The following ANKRD62 variants were observed in gnomAD, a reference collection of about 807,000 sequenced individuals.
ANKRD62 encodes the protein ankyrin repeat domain 62.
ANKRD62 carries 61 observed loss-of-function variants against 98.8 expected under a neutral mutation model. That is an observed-to-expected ratio of 0.62 (90% confidence interval 0.50 to 0.76). The LOEUF is 0.76. Ranked by LOEUF, ANKRD62 falls within the 30% of genes least tolerant of loss-of-function variation. The probability of loss-of-function intolerance (pLI) is 0.00; values close to 1 mark genes in which losing one functional copy is unlikely to be tolerated. For synonymous variants in ANKRD62, 341 were observed against 367.9 expected, an observed-to-expected ratio of 0.93 and a Z score of 0.84; for missense variants, 933 against 1,082.9, an observed-to-expected ratio of 0.86 and a Z score of 1.94.
At chr18:12,138,009 T>C in the ANKRD62 span, among the ~76,000 whole-genome samples, 1 of 152,176 alleles carries the variant, frequency 6.6e-6, no homozygotes, top group Non-Finnish European at 1.5e-5. Flanking sequence ...CCTGGATTCA[T>C]TGATTTTTTG....
the ANKRD62 span, among the ~76,000 whole-genome samples, chr18:12,154,316 C>G: frequency 1.3e-5 from 2 of 152,084 alleles, no homozygotes; most frequent in African/African-American, 4.8e-5. Flanking sequence ...AAAAGAAGAC[C>G]TACATGCAGC....
intron 7 of ANKRD62, 100 bp from the exon 8 acceptor site, chr18:12,107,195 T>C: frequency 1.7e-6 from 1 of 594,080 alleles, no homozygotes; most frequent in Non-Finnish European, 2.5e-6. Flanking sequence ...ATGACTAATA[T>C]GACAGACTGA....
At chr18:12,150,299 G>A in the ANKRD62 span, among the ~76,000 whole-genome samples, 2 of 152,152 alleles carry the variant, frequency 1.3e-5, no homozygotes, top group African/African-American at 4.8e-5. Context: ...AAAAGTATGG[G>A]ACTATATAAA....
the ANKRD62 span, among the ~76,000 whole-genome samples, chr18:12,154,847 C>T: frequency 1.3e-5 from 2 of 152,158 alleles, no homozygotes; most frequent in African/African-American, 2.4e-5. Flanking sequence ...AGGCCATTAT[C>T]CTTAACAAAC....
the ANKRD62 span, among the ~76,000 whole-genome samples, chr18:12,174,525 G>A: frequency 2.6e-5 from 4 of 152,306 alleles, no homozygotes; most frequent in South Asian, 8.3e-4. Context: ...GCCTAGTTCA[G>A]AACCCTTGTT....
chr18:12,173,435 C>CT, the ANKRD62 span, among the ~76,000 whole-genome samples: 1 of 152,188 alleles, frequency 6.6e-6, no homozygotes, highest in Non-Finnish European at 1.5e-5. Flanking sequence ...ATGGGTCTTG[C>CT]TTTTTTATCC....
At chr18:12,165,099 G>A in the ANKRD62 span, among the ~76,000 whole-genome samples, 21 of 151,478 alleles carry the variant, frequency 1.4e-4, no homozygotes, top group Admixed American at 2.6e-4. Context: ...CTATTCCTGC[G>A]CTTTTTTGGT....
intron 11 of ANKRD62, among the ~76,000 whole-genome samples, 175 bp downstream of exon 11, chr18:12,122,691 T>C (rs999124767): frequency 6.6e-6 from 1 of 152,218 alleles, no homozygotes; most frequent in African/African-American, 2.4e-5. Context: ...AATACTTCTC[T>C]AATAATTAAT....
Position 12,094,071 on chromosome 18 carries a change from G to A in ANKRD62, c.54G>A (p.Trp18Ter). Residue 18 changes from tryptophan (W) to a stop codon, truncating the protein, a stop_gained, in exon 1 of 14, where the codon TGG becomes TGA. Coordinates refer to ENST00000587848, the MANE Select transcript of ANKRD62 (RefSeq NM_001277333.2). LOFTEE classifies it high-confidence loss of function. ...LAACRRRMATWRKNRDKDGFS... is the reference protein window; with the variant it reads ...LAACRRRMAT ...CCTGCAGGAGACGCATGGCTACCTG[G>A]AGGAAGAATCGTGACAAGGATGGCT... 6.5e-7 allele frequency: 1 copy of A among 1,535,172 alleles called. No individual in the cohort carries two copies. Among genetic ancestry groups the A allele is most frequent in the South Asian group, 1.2e-5 (1 of 84,012 alleles).
chr18:12,132,405 T>G (rs569756538), downstream of ANKRD62, among the ~76,000 whole-genome samples: 11 of 152,240 alleles, frequency 7.2e-5, no homozygotes, highest in East Asian at 2.1e-3. Context: ...ATGCCTTTTG[T>G]TTTCCTCCAT....
In ANKRD62 at chr18:12,093,983, G is replaced by A. The variant is rs187628951; in HGVS notation, c.-35G>A. 1.2e-5 allele frequency: 19 copies of A among 1,530,344 alleles called. No individual in the cohort carries two copies. In the East Asian group the frequency reaches 2.2e-4, roughly 18 times the overall value. 94.8% of individuals were successfully genotyped at this position (1,530,344 alleles called of 1,614,324 possible). On this transcript the variant is annotated 5_prime_UTR_variant, in exon 1 of 14. Transcript: ENST00000587848. ...GTGGGAGCTGAGGTGTCTTAAAGCC[G>A]TTCCTCAGCCTGGGAGAAGATCTCT... is the stretch of plus-strand genomic sequence containing the variant.
rs528373018 is a variant in ANKRD62, at chr18:12,125,480, A to T, written c.1659A>T (p.Arg553Ser). 21 of 1,468,108 alleles carry T rather than the reference A, an allele frequency of 1.4e-5. No individual in the cohort carries two copies. The highest frequency in any genetic ancestry group is 1.8e-5 in the Non-Finnish European group (20 of 1,120,158). 90.9% of individuals were successfully genotyped at this position (1,468,108 alleles called of 1,614,324 possible). The change falls in exon 13 of 14, where the codon AGA (arginine) becomes AGT (serine). Residue 553 changes from arginine (R) to serine (S), a missense_variant. Physicochemically the swap from Arg to Ser is moderately radical, Grantham distance 110. Coordinates refer to ENST00000587848, the MANE Select transcript of ANKRD62 (RefSeq NM_001277333.2). ...TTTAGAATTTTCATACTCATGAAAG[A>T]GAAAGAGACCTGTGGCAGGAAAATC... The part of the protein sequence containing the change: ...NSNQNFHTHE[R>S]ERDLWQENHL...
chr18:12,097,811 G>A (rs567430373), intron 5 of ANKRD62, 34 bp downstream of exon 5: 1 of 1,528,044 alleles, frequency 6.5e-7, no homozygotes, highest in Middle Eastern at 1.8e-4. Context: ...ACACTAAATT[G>A]AGGTTTAAAG....
At chr18:12,160,477 G>T in the ANKRD62 span, among the ~76,000 whole-genome samples, 1 of 152,122 alleles carries the variant, frequency 6.6e-6, no homozygotes, top group Admixed American at 6.6e-5. Context: ...GTCCTGCTGA[G>T]GAAGTAAATC....
rs1242703539 is a variant in ANKRD62 at position 12,126,312 on chromosome 18, G to C, written c.2491G>C (p.Gly831Arg). Residue 831 changes from glycine (G) to arginine (R), a missense_variant, in exon 13 of 14, where the codon GGG (glycine) becomes CGG (arginine). By Grantham distance (125) the Gly-to-Arg change is moderately radical. Transcript: ENST00000587848. ...ECRKLEENNK[G>R]LMKECTLLKE... ...TAGAAAGCTAGAAGAGAACAATAAG[G>C]GGTTGATGAAGGAATGCACTCTTTT... 1.3e-6 allele frequency: 2 copies of C among 1,533,582 alleles called. No homozygotes were observed. Among genetic ancestry groups the C allele is most frequent in the Non-Finnish European group, 1.7e-6 (2 of 1,146,148 alleles). 95.0% of individuals were successfully genotyped at this position (1,533,582 alleles called of 1,614,324 possible). A position where few individuals can be genotyped will look rare whatever the true frequency, so the allele number is the denominator to read the frequency against.
chr18:12,126,895 A>T (rs899700145), intron 13 of ANKRD62, among the ~76,000 whole-genome samples: 7 of 152,158 alleles, frequency 4.6e-5, no homozygotes, highest in African/African-American at 1.7e-4. Flanking sequence ...ATTTTTATTC[A>T]TGTCAATTTG....
chr18:12,113,949 T>G (rs1428655320), intron 8 of ANKRD62, among the ~76,000 whole-genome samples: 1 of 152,152 alleles, frequency 6.6e-6, no homozygotes, highest in Non-Finnish European at 1.5e-5. Context: ...CCAGGAAATA[T>G]TAGGTAGCCA....
chr18:12,095,751 A>G, intron 3 of ANKRD62, 141 bp downstream of exon 3: 1 of 807,084 alleles, frequency 1.2e-6, no homozygotes, highest in Admixed American at 3.3e-5. Context: ...AACTATTTAA[A>G]AATACATTCA....
the ANKRD62 span, among the ~76,000 whole-genome samples, chr18:12,164,542 C>G: frequency 6.6e-6 from 1 of 151,752 alleles, no homozygotes; most frequent in African/African-American, 2.4e-5. Context: ...TTGGTTTGCT[C>G]TGGATTTTCC....
Sources: gnomAD v4.1 joint callset for allele counts (sites outside exome capture counted in the v4.1 genomes callset) on GRCh38, gnomAD v4.1.1 for gene constraint, MANE v1.5 for transcripts, NCBI Gene and HGNC (gene_info 2026-07-23, HGNC 2026-07-21) for gene names.